SRBD1: variants seen among roughly 807,000 people sequenced by gnomAD.
SRBD1 encodes S1 RNA binding domain 1.
In SRBD1, 88 loss-of-function variants were observed where a neutral mutation model predicts 115.3. The ratio of observed to expected loss-of-function variants is 0.76; its 90% confidence interval spans 0.64 to 0.91. SRBD1 has a LOEUF of 0.91. Among genes scored for constraint, SRBD1 ranks in the 40% least tolerant of loss-of-function variants. The pLI, the probability that SRBD1 is intolerant of heterozygous loss-of-function variation, is 0.00. For missense variants in SRBD1, 1,385 were observed against 1,177.4 expected, an observed-to-expected ratio of 1.18 and a Z score of -2.58; for synonymous variants, 509 against 407.7, an observed-to-expected ratio of 1.25 and a Z score of -2.99.
chr2:45,483,752 T>C (rs1333337054), intron 15 of SRBD1, among the ~76,000 whole-genome samples: 3 of 152,124 alleles, frequency 2.0e-5, no homozygotes, highest in Non-Finnish European at 4.4e-5. Context: ...CCCCATGTTG[T>C]CTTTTTCAGT....
chr2:45,393,746 T>C (rs978517027), intron 19 of SRBD1, among the ~76,000 whole-genome samples: 1 of 152,246 alleles, frequency 6.6e-6, no homozygotes, highest in South Asian at 2.1e-4. Flanking sequence ...AATGAGGCTA[T>C]CTGTTCCCTA....
At chr2:45,532,463 T>C (rs536316936) in intron 14 of SRBD1, among the ~76,000 whole-genome samples, 1 of 151,776 alleles carries the variant, frequency 6.6e-6, no homozygotes. Context: ...CCTGATGAAA[T>C]AGGGATTAAT....
chr2:45,490,185 T>C (rs1398237107), intron 14 of SRBD1, among the ~76,000 whole-genome samples: 1 of 152,134 alleles, frequency 6.6e-6, no homozygotes, highest in African/African-American at 2.4e-5. Context: ...GAAAATGTAG[T>C]GTTACATAAT....
rs1284894903 is a variant in SRBD1 at position 45,599,624 on chromosome 2, C to T, written c.473G>A (p.Ser158Asn). The change falls in exon 4 of 21, where the codon AGC becomes AAC. Residue 158 changes from serine (S) to asparagine (N), a missense_variant. By Grantham distance (46) the Ser-to-Asn change is conservative. Coordinates refer to ENST00000263736, the MANE Select transcript of SRBD1 (RefSeq NM_018079.5). ...ESNSSETPST[S>N]TVWGGTCKKE... is the part of the protein sequence containing the mutation. ...CTTGCATGTACCTCCCCACACAGTGCTTGTGGATGGTGTCTCTGAACTATT... is the reference window on the plus strand; with the variant it reads ...CTTGCATGTACCTCCCCACACAGTGTTTGTGGATGGTGTCTCTGAACTATT... 4 of 1,614,204 alleles carry T rather than the reference C, an allele frequency of 2.5e-6. No homozygotes were observed. Among genetic ancestry groups the T allele is most frequent in the Non-Finnish European group, 1.7e-6 (2 of 1,180,028 alleles).
intron 15 of SRBD1, among the ~76,000 whole-genome samples, chr2:45,485,716 C>T (rs1402847300): frequency 6.6e-6 from 1 of 152,128 alleles, no homozygotes; most frequent in African/African-American, 2.4e-5. Flanking sequence ...CTGTTATATT[C>T]TTATACAGCA....
intron 16 of SRBD1, among the ~76,000 whole-genome samples, chr2:45,474,409 G>C (rs527990859): frequency 6.6e-6 from 1 of 152,308 alleles, no homozygotes; most frequent in East Asian, 1.9e-4. Flanking sequence ...ATCATGCCAG[G>C]TGTCATGTAC....
intron 14 of SRBD1, among the ~76,000 whole-genome samples, chr2:45,540,930 T>C (rs565825703): frequency 4.6e-5 from 7 of 152,346 alleles, no homozygotes; most frequent in African/African-American, 1.2e-4. Flanking sequence ...ACGGAATCCT[T>C]AGGGTGTCAC....
At chr2:45,421,453 G>C (rs1414937397) in intron 16 of SRBD1, among the ~76,000 whole-genome samples, 1 of 135,502 alleles carries the variant, frequency 7.4e-6, no homozygotes, top group Non-Finnish European at 1.5e-5. Context: ...CTTGCAGTGA[G>C]CGTAGATCGT....
At chr2:45,553,506 C>G (rs1672368234) in intron 11 of SRBD1, 117 bp downstream of exon 11, 3 of 560,894 alleles carry the variant, frequency 5.3e-6, no homozygotes, top group South Asian at 8.8e-5. Flanking sequence ...CTTTGTGATG[C>G]TGACTAAATT....
At position 45,519,594 on chromosome 2, in the gene SRBD1, C is replaced by A. The variant is rs572315147; in HGVS notation, c.1874+27138G>T. ...ATATTCAACATTCTTACATTATATT[C>A]TTTACTCAGTAATTCCGACAACTGC... On this transcript the variant is annotated intron_variant, in intron 14 of 20. Transcript: ENST00000263736. 2.0e-5 allele frequency among the ~76,000 whole-genome samples: 3 copies of A among 152,166 alleles called. No homozygotes were observed. The East Asian group carries it at 5.8e-4, about 29-fold the overall frequency.
intron 14 of SRBD1, among the ~76,000 whole-genome samples, chr2:45,529,391 C>T (rs577407684): frequency 2.6e-4 from 39 of 151,956 alleles, no homozygotes; most frequent in African/African-American, 8.7e-4. Flanking sequence ...TTCAAAGGCC[C>T]AATATGTTAC....
intron 6 of SRBD1, 30 bp downstream of exon 6, chr2:45,581,663 T>C (rs1397846458): frequency 6.4e-7 from 1 of 1,555,834 alleles, no homozygotes; most frequent in African/African-American, 1.4e-5. Flanking sequence ...TATTCAGGTA[T>C]TACATTAAAA....
intron 13 of SRBD1, 110 bp downstream of exon 13, chr2:45,547,412 G>C (rs886422137): frequency 2.2e-6 from 2 of 903,172 alleles, no homozygotes; most frequent in Admixed American, 2.6e-5. Flanking sequence ...ATGGTTTATT[G>C]TCTCTCACAA....
intron 15 of SRBD1, among the ~76,000 whole-genome samples, chr2:45,484,104 C>T (rs1670045228): frequency 6.6e-6 from 1 of 151,820 alleles, no homozygotes; most frequent in African/African-American, 2.4e-5. Context: ...CTATTTCCTC[C>T]AAGTAGCTTT....
At chr2:45,434,469 GCAAA>G (rs945621596) in intron 16 of SRBD1, among the ~76,000 whole-genome samples, 10 of 152,088 alleles carry the variant, frequency 6.6e-5, no homozygotes, top group African/African-American at 2.4e-4. Flanking sequence ...TTAACATTTG[GCAAA>G]CAATTTTTTT....
chr2:45,547,161 A>G (rs1445191713), intron 13 of SRBD1, among the ~76,000 whole-genome samples: 1 of 152,252 alleles, frequency 6.6e-6, no homozygotes, highest in African/African-American at 2.4e-5. Flanking sequence ...GCCGTAATAA[A>G]GATATTATGA....
At chr2:45,429,674 A>G (rs1321772198) in intron 16 of SRBD1, among the ~76,000 whole-genome samples, 1 of 152,116 alleles carries the variant, frequency 6.6e-6, no homozygotes, top group Non-Finnish European at 1.5e-5. Flanking sequence ...TATGACACAC[A>G]GCCAATATCA....
At chr2:45,593,080 A>G (rs1249285129) in intron 4 of SRBD1, among the ~76,000 whole-genome samples, 1 of 152,186 alleles carries the variant, frequency 6.6e-6, no homozygotes, top group East Asian at 1.9e-4. Flanking sequence ...TAGGAATGAG[A>G]GTAAAGGGGA....
chr2:45,464,319 C>T lies in SRBD1; in HGVS notation c.2049+12674G>A, dbSNP rs567757159. On this transcript the variant is annotated intron_variant, in intron 16 of 20. Coordinates refer to ENST00000263736, the MANE Select transcript of SRBD1 (RefSeq NM_018079.5). Reference sequence around the variant, plus strand: ...CAGAAAGATCCAAGTCAAAAGAGAACAGAAAAGAGATGAGGTATGCAAGAT... The same window carrying T: ...CAGAAAGATCCAAGTCAAAAGAGAATAGAAAAGAGATGAGGTATGCAAGAT... Among the ~76,000 whole-genome samples, 7 of 152,244 alleles carry T rather than the reference C, an allele frequency of 4.6e-5. No homozygotes were observed. In the East Asian group the frequency reaches 1.2e-3, roughly 25 times the overall value.
Sources: allele counts gnomAD v4.1 joint callset (sites outside exome capture counted in the v4.1 genomes callset), GRCh38; gene constraint gnomAD v4.1.1; transcripts MANE v1.5; gene names NCBI Gene and HGNC (gene_info 2026-07-23, HGNC 2026-07-21).